CWF19L2: variants seen among roughly 807,000 people sequenced by gnomAD.
CWF19L2 encodes the protein CWF19 like cell cycle control factor 2.
A neutral mutation model predicts 111.7 loss-of-function variants in CWF19L2; 98 were observed. The observed-to-expected ratio is 0.88, with a 90% CI of 0.75 to 1.04. The LOEUF is 1.04. CWF19L2 is among the 50% of genes least tolerant of loss of function. The pLI is 0.00. For missense variants in CWF19L2, 1,101 were observed against 1,051.4 expected (o/e 1.05, Z -0.65); for synonymous variants, 351 against 342.9 (o/e 1.02, Z -0.26).
chr11:107,441,482 G>C (rs745620226), intron 5 of CWF19L2, 21 bp downstream of exon 5: 2 of 1,489,994 alleles, frequency 1.3e-6, no homozygotes, highest in East Asian at 5.1e-5. Context: ...GAAAGTTAAA[G>C]CATTTCAAAT....
intron 11 of CWF19L2, among the ~76,000 whole-genome samples, chr11:107,390,764 A>C (rs1173442628): frequency 6.6e-6 from 1 of 152,202 alleles, no homozygotes; most frequent in Admixed American, 6.5e-5. Flanking sequence ...GATGGTTAAT[A>C]CTGAGTGTCA....
chr11:107,411,088 TGCACACACAC>T (rs1396284138), intron 10 of CWF19L2, among the ~76,000 whole-genome samples: 2 of 48,824 alleles, frequency 4.1e-5, no homozygotes, highest in African/African-American at 2.8e-4. Flanking sequence ...CGCGCGTGCG[TGCACACACAC>T]ACACACACAC....
At chr11:107,397,398 C>T (rs377244414) in intron 10 of CWF19L2, among the ~76,000 whole-genome samples, 1 of 152,060 alleles carries the variant, frequency 6.6e-6, no homozygotes, top group Non-Finnish European at 1.5e-5. Flanking sequence ...CCAGCTTTCC[C>T]CCACTTCCCT....
At position 107,387,072 on chromosome 11, in the gene CWF19L2, T is replaced by C. The variant is rs11212194; in HGVS notation, c.1872+3002A>G. Among the ~76,000 whole-genome samples the C allele has an allele frequency of 9.4e-3, 1,406 of 149,232 alleles. 26 individuals are homozygous for C. Among genetic ancestry groups the C allele is most frequent in the African/African-American group, 0.032 (1,310 of 40,762 alleles). ...CGTCTCAAAAAAAAAAAAAGGCTAATGCATCCAAATCTATATGGGAGAACC... is the reference window on the plus strand; with the variant it reads ...CGTCTCAAAAAAAAAAAAAGGCTAACGCATCCAAATCTATATGGGAGAACC... On this transcript the variant is annotated intron_variant, in intron 12 of 17. Coordinates refer to ENST00000282251, the MANE Select transcript of CWF19L2 (RefSeq NM_152434.3).
chr11:107,360,271 T>C (rs1338940612), intron 12 of CWF19L2, among the ~76,000 whole-genome samples: 3 of 152,312 alleles, frequency 2.0e-5, no homozygotes, highest in African/African-American at 7.2e-5. Context: ...TTCATTTATG[T>C]TGCAGCAAAA....
chr11:107,362,207 A>AC (rs1458789379), intron 12 of CWF19L2, among the ~76,000 whole-genome samples: 2 of 45,532 alleles, frequency 4.4e-5, no homozygotes, highest in African/African-American at 4.8e-4. Context: ...CTACCACAGC[A>AC]GCTGAGATCA....
At position 107,353,582 on chromosome 11, in the gene CWF19L2, A is replaced by C; in HGVS notation, c.2027T>G (p.Leu676Arg). 1 of 1,613,830 alleles carries C rather than the reference A, an allele frequency of 6.2e-7. No homozygotes were observed. ...AAATTGAGAGCTGTCAAAACAATAC[A>C]GACATTTTTCCATTTGTGCAGCAAG... The part of the protein sequence containing the change: ...RSLAAQMEKC[L>R]YCFDSSQFPK... Residue 676 changes from leucine (L) to arginine (R), a missense_variant, in exon 13 of 18, where the codon CTG becomes CGG. Leu to Arg is a moderately radical substitution (Grantham distance 102). Transcript: ENST00000282251.
chr11:107,390,979 A>G (rs1207272260), intron 11 of CWF19L2, among the ~76,000 whole-genome samples: 1 of 152,128 alleles, frequency 6.6e-6, no homozygotes, highest in African/African-American at 2.4e-5. Context: ...TCTTTCTCCC[A>G]TGCTGGATGC....
chr11:107,447,528 A>G (rs746695347), intron 3 of CWF19L2, among the ~76,000 whole-genome samples: 5 of 152,260 alleles, frequency 3.3e-5, no homozygotes, highest in Non-Finnish European at 7.3e-5. Flanking sequence ...CTGAACATCC[A>G]TGACAATCAG....
At chr11:107,385,417 A>AT (rs1020922081) in intron 12 of CWF19L2, among the ~76,000 whole-genome samples, 3 of 152,272 alleles carry the variant, frequency 2.0e-5, no homozygotes, top group South Asian at 4.1e-4. Context: ...ATTGATCAAA[A>AT]TTTTTTTTAA....
intron 11 of CWF19L2, among the ~76,000 whole-genome samples, chr11:107,392,406 C>T (rs1565265805): frequency 6.6e-6 from 1 of 152,070 alleles, no homozygotes; most frequent in Non-Finnish European, 1.5e-5. Context: ...TGTATGGATA[C>T]CCCATCACCA....
At chr11:107,329,878 A>C (rs373905133) in intron 17 of CWF19L2, 40 bp downstream of exon 17, 2 of 1,435,754 alleles carry the variant, frequency 1.4e-6, no homozygotes, top group Non-Finnish European at 1.9e-6. Flanking sequence ...AATGTTACCA[A>C]ATTGCTAACT....
At position 107,433,729 on chromosome 11, in the gene CWF19L2, C is replaced by G. The variant is rs777454445; in HGVS notation, c.685G>C (p.Gly229Arg). ...ITKVSVVEDGGLSWLRKSYLR... is the reference protein window; with the variant it reads ...ITKVSVVEDGRLSWLRKSYLR... ...TAAGATTTCCTTAGCCAGCTTAATC[C>G]ACCATCTTCTACCACTGAAACTAAA... The change falls in exon 7 of 18, where the codon GGA becomes CGA. Residue 229 changes from glycine to arginine, a missense_variant. Transcript: ENST00000282251. 6.3e-7 allele frequency: 1 copy of G among 1,577,712 alleles called. No homozygotes were observed. Among genetic ancestry groups the G allele is most frequent in the African/African-American group, 1.4e-5 (1 of 73,496 alleles).
Position 107,454,531 on chromosome 11 carries a change from T to A in CWF19L2, c.258A>T (p.Ser86=). ...VKKKKKKDKH[S]KKAKKEKKKK... ...TTTTCTTTTCTTTCTTTGCTTTTTT[T>A]GAATGCTTGTCTTTTTTCTTCTTTT... Residue 86 remains serine (S), a synonymous_variant, in exon 3 of 18, where the codon TCA becomes TCT. Coordinates refer to ENST00000282251, the MANE Select transcript of CWF19L2 (RefSeq NM_152434.3). 1 of 1,477,002 alleles carries A rather than the reference T, an allele frequency of 6.8e-7. No individual in the cohort carries two copies. Among genetic ancestry groups the A allele is most frequent in the East Asian group, 2.6e-5 (1 of 38,928 alleles). The allele number at this position is 1,477,002 out of a possible 1,614,324, so 91.5% of individuals were successfully genotyped here.
chr11:107,451,480 C>T (rs1861777482), intron 3 of CWF19L2, among the ~76,000 whole-genome samples: 1 of 150,836 alleles, frequency 6.6e-6, no homozygotes, highest in Admixed American at 6.6e-5. Flanking sequence ...AAACACACAA[C>T]CAGAGAAAAT....
intron 7 of CWF19L2, 104 bp downstream of exon 7, chr11:107,433,530 T>C: frequency 5.1e-6 from 2 of 392,502 alleles, no homozygotes; most frequent in Non-Finnish European, 9.3e-6. Flanking sequence ...TATAAAGACA[T>C]GAAATATTAA....
In CWF19L2 at chr11:107,443,067, A is replaced by G. The variant is rs192256372; in HGVS notation, c.340-18T>C. On this transcript the variant is annotated intron_variant, in intron 3 of 17. Coordinates refer to ENST00000282251, the MANE Select transcript of CWF19L2 (RefSeq NM_152434.3). ...TCAGAGCTCTAAGAACATTTAGCATATAAGTGAAATTGTCAAATTTGCATA... is the reference window on the plus strand; with the variant it reads ...TCAGAGCTCTAAGAACATTTAGCATGTAAGTGAAATTGTCAAATTTGCATA... 4.6e-4 allele frequency: 681 copies of G among 1,467,200 alleles called. 1 individual carries two copies. The African/African-American group carries it at 5.7e-3, about 12-fold the overall frequency. The allele number at this position is 1,467,200 out of a possible 1,614,324, so 90.9% of individuals were successfully genotyped here.
At chr11:107,403,986 G>C (rs189032471) in intron 10 of CWF19L2, 1 of 838,212 alleles carries the variant, frequency 1.2e-6, no homozygotes, top group Admixed American at 1.7e-5. Flanking sequence ...CGAACGTCTG[G>C]CACCACACTC....
intron 12 of CWF19L2, among the ~76,000 whole-genome samples, chr11:107,387,410 A>G (rs1367051825): frequency 6.6e-6 from 1 of 151,932 alleles, no homozygotes; most frequent in Non-Finnish European, 1.5e-5. Flanking sequence ...AATTCTGTCA[A>G]AATATAAACC....
Sources: allele counts gnomAD v4.1 joint callset (sites outside exome capture counted in the v4.1 genomes callset), GRCh38; gene constraint gnomAD v4.1.1; transcripts MANE v1.5; gene names NCBI Gene and HGNC (gene_info 2026-07-23, HGNC 2026-07-21).